Variants in TRERF1 observed in about 807,000 individuals in gnomAD.
The protein encoded by TRERF1 is transcriptional-regulating factor 1.
TRERF1 carries 27 observed loss-of-function variants against 122.9 expected under a neutral mutation model. The ratio of observed to expected loss-of-function variants is 0.22; its 90% CI spans 0.16 to 0.30. TRERF1 has a LOEUF of 0.30. Among genes scored for constraint, TRERF1 ranks in the 10% least tolerant of loss-of-function variants. The pLI, the probability that TRERF1 is intolerant of heterozygous loss-of-function variation, is 1.00. For missense variants in TRERF1, 1,248 were observed against 1,560.3 expected (o/e 0.80, Z 3.37); for synonymous variants, 636 against 641.7 (o/e 0.99, Z 0.13).
chr6:42,397,063 A>G (rs903745851), intron 2 of TRERF1, among the ~76,000 whole-genome samples: 8 of 152,208 alleles, frequency 5.3e-5, no homozygotes, highest in African/African-American at 1.7e-4. Context: ...AACAGAGATA[A>G]AAGGCAAGAT....
chr6:42,236,132 C>A (rs942574915), intron 16 of TRERF1, 73 bp downstream of exon 16: 3 of 1,496,026 alleles, frequency 2.0e-6, no homozygotes, highest in Admixed American at 2.4e-5. Flanking sequence ...GAAAATACAT[C>A]ATCTCTTAAA....
At chr6:42,354,737 T>C (rs1226849000) in intron 3 of TRERF1, among the ~76,000 whole-genome samples, 1 of 152,210 alleles carries the variant, frequency 6.6e-6, no homozygotes, top group South Asian at 2.1e-4. Context: ...CACCACAGTA[T>C]TTTAATTACA....
At chr6:42,394,700 T>C (rs1260221606) in intron 2 of TRERF1, among the ~76,000 whole-genome samples, 2 of 152,080 alleles carry the variant, frequency 1.3e-5, no homozygotes, top group African/African-American at 2.4e-5. Context: ...AAAATTTCAA[T>C]TCAACTTTTC....
chr6:42,434,668 C>CACACA (rs1554218673), intron 2 of TRERF1, among the ~76,000 whole-genome samples: 1 of 114,896 alleles, frequency 8.7e-6, no homozygotes, highest in African/African-American at 2.9e-5. Flanking sequence ...ACACCCTCCA[C>CACACA]CACACACACA....
chr6:42,290,026 C>T (rs923377368), intron 4 of TRERF1, among the ~76,000 whole-genome samples: 1 of 152,176 alleles, frequency 6.6e-6, no homozygotes, highest in Non-Finnish European at 1.5e-5. Flanking sequence ...GGAGCTGTCA[C>T]CGTGGCAGCT....
chr6:42,351,062 T>C (rs1185727697), intron 3 of TRERF1, among the ~76,000 whole-genome samples: 1 of 152,138 alleles, frequency 6.6e-6, no homozygotes, highest in Non-Finnish European at 1.5e-5. Flanking sequence ...AATGCATTAG[T>C]AAGCAAAGCT....
chr6:42,309,325 A>G (rs973814103), intron 3 of TRERF1, among the ~76,000 whole-genome samples: 1 of 152,184 alleles, frequency 6.6e-6, no homozygotes, highest in East Asian at 1.9e-4. Flanking sequence ...CTTTTATTTT[A>G]TAGATAAGGA....
At chr6:42,415,333 C>A (rs1259643267) in intron 2 of TRERF1, among the ~76,000 whole-genome samples, 1 of 151,982 alleles carries the variant, frequency 6.6e-6, no homozygotes, top group Non-Finnish European at 1.5e-5. Flanking sequence ...CTCAGATTAT[C>A]ATGTATCTTT....
chr6:42,314,531 C>A (rs956698763), intron 3 of TRERF1, among the ~76,000 whole-genome samples: 1 of 152,078 alleles, frequency 6.6e-6, no homozygotes, highest in Non-Finnish European at 1.5e-5. Flanking sequence ...CAACAGTGAA[C>A]AAAGAAGACA....
chr6:42,287,848 C>T (rs1047398084), intron 4 of TRERF1, among the ~76,000 whole-genome samples: 1 of 152,156 alleles, frequency 6.6e-6, no homozygotes, highest in African/African-American at 2.4e-5. Context: ...CTCCAATGCT[C>T]CCTCTGCCAA....
chr6:42,379,378 A>G (rs868060831), intron 2 of TRERF1, among the ~76,000 whole-genome samples: 3 of 152,014 alleles, frequency 2.0e-5, no homozygotes, highest in African/African-American at 7.2e-5. Flanking sequence ...CCTATAGAGG[A>G]GACTAACCAA....
intron 3 of TRERF1, among the ~76,000 whole-genome samples, chr6:42,358,111 C>A (rs552543170): frequency 6.6e-6 from 1 of 152,244 alleles, no homozygotes; most frequent in South Asian, 2.1e-4. Flanking sequence ...CACACACACC[C>A]TTTCCCACCT....
At chr6:42,336,146 T>A (rs1766131711) in intron 3 of TRERF1, among the ~76,000 whole-genome samples, 1 of 152,122 alleles carries the variant, frequency 6.6e-6, no homozygotes, top group Non-Finnish European at 1.5e-5. Flanking sequence ...TGCTGCAGTA[T>A]CCCCAGGGAC....
At chr6:42,306,014 T>TTTTC in intron 3 of TRERF1, among the ~76,000 whole-genome samples, 1 of 142,474 alleles carries the variant, frequency 7.0e-6, no homozygotes, top group South Asian at 2.4e-4. Flanking sequence ...TTTTTTTTTT[T>TTTTC]TTTTTGAGAC....
At chr6:42,284,446 C>G (rs115549448) in intron 4 of TRERF1, among the ~76,000 whole-genome samples, 18 of 152,290 alleles carry the variant, frequency 1.2e-4, no homozygotes, top group African/African-American at 4.3e-4. Flanking sequence ...CACTTCTTTC[C>G]AAAGCATTCA....
Position 42,263,500 on chromosome 6 carries a change from C to T in TRERF1, c.1704G>A (p.Pro568=), listed in dbSNP as rs754339041. Residue 568 remains proline (P), a synonymous_variant, in exon 8 of 18, where the codon CCG becomes CCA. Coordinates refer to ENST00000372922, the Ensembl canonical transcript of TRERF1. The surrounding 1 kb of genome is among the most constrained non-coding windows in gnomAD (Gnocchi z 5.6). ...CTGCCTCGGGAGGGAGCTGTGGTGG[C>T]GGCGGAGGCGGAGGCGGAGGCGGCA... is the stretch of plus-strand genomic sequence containing the variant. 2.5e-5 allele frequency: 40 copies of T among 1,573,616 alleles called. No individual in the cohort carries two copies. The highest frequency in any genetic ancestry group is 5.9e-5 in the South Asian group (5 of 84,804).
At chr6:42,442,536 A>C (rs1328493073) in intron 2 of TRERF1, among the ~76,000 whole-genome samples, 1 of 152,258 alleles carries the variant, frequency 6.6e-6, no homozygotes, top group Non-Finnish European at 1.5e-5. Flanking sequence ...AGTAGGACAC[A>C]GATGGCAAAT....
chr6:42,319,518 T>C (rs1763034069), intron 3 of TRERF1, among the ~76,000 whole-genome samples: 1 of 152,170 alleles, frequency 6.6e-6, no homozygotes, highest in African/African-American at 2.4e-5. Context: ...AAGCTTTTAA[T>C]TTGATTGTTA....
At chr6:42,348,653 G>A (rs180950340) in intron 3 of TRERF1, among the ~76,000 whole-genome samples, 50 of 152,236 alleles carry the variant, frequency 3.3e-4, no homozygotes, top group African/African-American at 1.2e-3. Context: ...CTGAATTACC[G>A]GGGACGATCC....
Sources: gnomAD v4.1 joint callset for allele counts (sites outside exome capture counted in the v4.1 genomes callset) on GRCh38, gnomAD v4.1.1 for gene constraint, Gnocchi (gnomAD v3.1) non-coding constraint, MANE v1.5 for transcripts, NCBI Gene and HGNC (gene_info 2026-07-23, HGNC 2026-07-21) for gene names.